FANCL: variants seen among roughly 807,000 people sequenced by gnomAD.
FANCL encodes FA complementation group L.
In FANCL, 69 loss-of-function variants were observed where a neutral mutation model predicts 59.4. That is an observed-to-expected ratio of 1.16 (90% confidence interval 0.96 to 1.42). The LOEUF (loss-of-function observed/expected upper bound fraction) is 1.42. FANCL is among the 40% of genes most tolerant of loss of function. The pLI, the probability that FANCL is intolerant of heterozygous loss-of-function variation, is 0.00. For missense variants in FANCL, 519 were observed against 447.2 expected, an observed-to-expected ratio of 1.16 and a Z score of -1.45; for synonymous variants, 180 against 147.1, an observed-to-expected ratio of 1.22 and a Z score of -1.62.
intron 6 of FANCL, among the ~76,000 whole-genome samples, chr2:58,202,175 C>T (rs1690099937): frequency 8.0e-6 from 1 of 124,806 alleles, no homozygotes; most frequent in African/African-American, 3.1e-5. Context: ...TTGTAAATTA[C>T]TTTTGAAAGT....
chr2:58,208,128 T>C (rs1296494264), intron 5 of FANCL, among the ~76,000 whole-genome samples: 1 of 152,122 alleles, frequency 6.6e-6, no homozygotes, highest in Non-Finnish European at 1.5e-5. Flanking sequence ...TAACTTTCAT[T>C]CACTTAAATA....
intron 12 of FANCL, 89 bp from the exon 13 acceptor site, chr2:58,160,268 TTA>T: frequency 7.6e-7 from 1 of 1,312,114 alleles, no homozygotes; most frequent in Admixed American, 1.7e-5. Flanking sequence ...TTTAAGTGCA[TTA>T]TGTTTTTATT....
chr2:58,173,546 A>C (rs1026262261), intron 7 of FANCL, among the ~76,000 whole-genome samples: 10 of 152,310 alleles, frequency 6.6e-5, no homozygotes, highest in African/African-American at 2.4e-4. Context: ...AAGCTTCATA[A>C]GTGAAGGAGA....
In FANCL at chr2:58,160,124, C is replaced by T; in HGVS notation, c.1076G>A (p.Cys359Tyr). 6.2e-7 allele frequency: 1 copy of T among 1,612,722 alleles called. No homozygotes were observed. The highest frequency in any genetic ancestry group is 8.5e-7 in the Non-Finnish European group (1 of 1,178,948). Reference protein sequence around the residue: ...RQSFNIIFGECPYCSKPITLK... With the variant: ...RQSFNIIFGEYPYCSKPITLK... ...TTTGCTTACCTTACTACAATATGGA[C>T]ATTCACCAAATATGATGTTAAAACT... The change falls in exon 13 of 14, where the codon TGT becomes TAT. Residue 359 changes from cysteine (C) to tyrosine (Y), a missense_variant. Coordinates refer to ENST00000233741, the MANE Select transcript of FANCL (RefSeq NM_018062.4).
chr2:58,174,431 AAACT>A (rs1687048487), intron 7 of FANCL, among the ~76,000 whole-genome samples: 1 of 152,224 alleles, frequency 6.6e-6, no homozygotes, highest in Non-Finnish European at 1.5e-5. Context: ...AAATCATAAC[AAACT>A]GTCTCTCAGA....
chr2:58,160,361 GT>G (rs1349832039), intron 12 of FANCL, among the ~76,000 whole-genome samples, 182 bp from the exon 13 acceptor site: 1 of 151,980 alleles, frequency 6.6e-6, no homozygotes, highest in Non-Finnish European at 1.5e-5. Context: ...AAGATGTTGA[GT>G]AACAAGGGAA....
At chr2:58,192,907 T>C (rs1191027703) in intron 7 of FANCL, among the ~76,000 whole-genome samples, 1 of 151,960 alleles carries the variant, frequency 6.6e-6, no homozygotes, top group African/African-American at 2.4e-5. Flanking sequence ...TCTGAAGCTA[T>C]GTTCACATAT....
chr2:58,194,865 G>T (rs185493567), intron 7 of FANCL, among the ~76,000 whole-genome samples: 89 of 151,076 alleles, frequency 5.9e-4, no homozygotes, highest in Middle Eastern at 3.4e-3. Flanking sequence ...GGAAGACAGG[G>T]ACCATAAGGA....
At chr2:58,190,096 A>G (rs951815876) in intron 7 of FANCL, among the ~76,000 whole-genome samples, 6 of 152,082 alleles carry the variant, frequency 3.9e-5, no homozygotes, top group Admixed American at 2.6e-4. Context: ...AGTTACTTAC[A>G]GGCTTCATTG....
chr2:58,188,432 G>A (rs149094519), intron 7 of FANCL, among the ~76,000 whole-genome samples: 1 of 151,570 alleles, frequency 6.6e-6, no homozygotes, highest in East Asian at 1.9e-4. Flanking sequence ...TAATTTCGGG[G>A]TTTTTTTGTT....
intron 5 of FANCL, among the ~76,000 whole-genome samples, chr2:58,210,650 G>C (rs1457200871): frequency 2.0e-5 from 3 of 152,064 alleles, no homozygotes; most frequent in African/African-American, 7.2e-5. Flanking sequence ...TTCCACCGAT[G>C]AGCCTAATAA....
At chr2:58,200,605 A>G (rs551708891) in intron 6 of FANCL, among the ~76,000 whole-genome samples, 10 of 152,130 alleles carry the variant, frequency 6.6e-5, no homozygotes, top group African/African-American at 2.2e-4. Flanking sequence ...TGGAGTAGAT[A>G]CACAAAGTAA....
intron 5 of FANCL, among the ~76,000 whole-genome samples, chr2:58,208,550 C>T (rs2105181724): frequency 6.6e-6 from 1 of 152,144 alleles, no homozygotes; most frequent in South Asian, 2.1e-4. Flanking sequence ...CTTATATTGA[C>T]CAAGAGTTTA....
rs892799201 is a variant in FANCL at position 58,217,867 on chromosome 2, G to A, written c.374+4075C>T. ...TAATAAATGTGAGGAATGAATAAAA[G>A]CAAAGCACTGTACCCAACAAGAGAT... is the stretch of plus-strand genomic sequence containing the variant. On this transcript the variant is annotated intron_variant, in intron 5 of 13. Coordinates refer to ENST00000233741, the MANE Select transcript of FANCL (RefSeq NM_018062.4). 2.3e-4 allele frequency among the ~76,000 whole-genome samples: 34 copies of A among 150,974 alleles called. 1 individual carries two copies. The highest frequency in any genetic ancestry group is 8.3e-4 in the African/African-American group (34 of 41,200).
chr2:58,166,710 T>C (rs1044216652), intron 7 of FANCL, among the ~76,000 whole-genome samples: 2 of 152,228 alleles, frequency 1.3e-5, no homozygotes, highest in Admixed American at 1.3e-4. Context: ...ACGTTTTCAA[T>C]CTGAAATAAC....
rs1685409852 is a variant in FANCL at position 58,162,854 on chromosome 2, G to A, written c.903+12C>T. 3.1e-6 allele frequency: 5 copies of A among 1,605,712 alleles called. No homozygotes were observed. The highest frequency in any genetic ancestry group is 2.2e-5 in the East Asian group (1 of 44,792). On this transcript the variant is annotated intron_variant, in intron 11 of 13. Coordinates refer to ENST00000233741, the MANE Select transcript of FANCL (RefSeq NM_018062.4). ...ATACTGTCTGGAATATCAAAACACT[G>A]ATAAAACTTACAGATTTTTCCAGGA...
intron 4 of FANCL, among the ~76,000 whole-genome samples, chr2:58,222,489 A>G (rs1692583815): frequency 6.6e-6 from 1 of 152,070 alleles, no homozygotes; most frequent in Non-Finnish European, 1.5e-5. Flanking sequence ...ACATCCTAAC[A>G]AACAAACTCA....
chr2:58,185,576 G>C (rs1331575527), intron 7 of FANCL, among the ~76,000 whole-genome samples: 2 of 152,138 alleles, frequency 1.3e-5, no homozygotes, highest in Admixed American at 1.3e-4. Flanking sequence ...AGCACCATCA[G>C]TTGCTTTTGG....
At chr2:58,166,976 G>A (rs1050254924) in intron 7 of FANCL, among the ~76,000 whole-genome samples, 4 of 152,184 alleles carry the variant, frequency 2.6e-5, no homozygotes, top group African/African-American at 9.7e-5. Context: ...CACTCTGGGA[G>A]GCTGAGGTGC....
Sources: allele counts gnomAD v4.1 joint callset (sites outside exome capture counted in the v4.1 genomes callset), GRCh38; gene constraint gnomAD v4.1.1; transcripts MANE v1.5; gene names NCBI Gene and HGNC (gene_info 2026-07-23, HGNC 2026-07-21).